Variants in RAB3IP observed in about 807,000 individuals in gnomAD.
RAB3IP encodes the protein RAB3A interacting protein.
Under a neutral mutation model 59.1 loss-of-function variants are expected in RAB3IP, and 36 were observed. That is an observed-to-expected ratio of 0.61 (90% CI 0.47 to 0.80). The LOEUF (loss-of-function observed/expected upper bound fraction) is 0.80, where lower values mean the gene tolerates loss of function less well. RAB3IP is among the 30% of genes least tolerant of loss of function. The pLI, the probability that RAB3IP is intolerant of heterozygous loss-of-function variation, is 0.00. For missense variants in RAB3IP, 511 were observed against 536.0 expected, an observed-to-expected ratio of 0.95 and a Z score of 0.46; for synonymous variants, 207 against 191.2, an observed-to-expected ratio of 1.08 and a Z score of -0.68.
At position 69,821,090 on chromosome 12, in the gene RAB3IP, C is replaced by T. The variant is rs186009517; in HGVS notation, c.*5644C>T. The T allele has an allele frequency of 6.6e-6, 1 of 152,250 alleles. No individual in the cohort carries two copies. Among genetic ancestry groups the T allele is most frequent in the African/African-American group, 2.4e-5 (1 of 41,520 alleles). 9.4% of individuals were successfully genotyped at this position (152,250 alleles called of 1,614,324 possible). A position where few individuals can be genotyped will look rare whatever the true frequency, so the allele number is the denominator to read the frequency against. ...CACACACAGTTTACTTTTGGAGGAA[C>T]GTCTGAGGTCATGAGGACTAGATTC... On this transcript the variant is annotated 3_prime_UTR_variant, in exon 11 of 11. Coordinates refer to ENST00000247833, the MANE Select transcript of RAB3IP (RefSeq NM_022456.5).
intron 8 of RAB3IP, among the ~76,000 whole-genome samples, chr12:69,810,537 G>T (rs895154226): frequency 2.6e-4 from 39 of 152,316 alleles, no homozygotes; most frequent in East Asian, 9.6e-4. Flanking sequence ...ATAAAAACTG[G>T]TTTAGGTTTT....
chr12:69,759,929 C>CA (rs1424748832), intron 3 of RAB3IP, among the ~76,000 whole-genome samples: 5 of 151,782 alleles, frequency 3.3e-5, no homozygotes, highest in African/African-American at 7.3e-5. Context: ...CCCCACATCT[C>CA]AGACGATGGG....
chr12:69,801,840 C>T (rs1056353009), intron 8 of RAB3IP, 119 bp downstream of exon 8: 46 of 636,308 alleles, frequency 7.2e-5, no homozygotes, highest in Middle Eastern at 2.6e-4. Context: ...TTCTCTTAAG[C>T]GTCTGTGTAG....
intron 1 of RAB3IP, among the ~76,000 whole-genome samples, chr12:69,754,710 A>G (rs1285291476): frequency 6.6e-6 from 1 of 152,216 alleles, no homozygotes; most frequent in Non-Finnish European, 1.5e-5. Context: ...CACAATGTGT[A>G]TGTGCCTTCA....
chr12:69,739,986 AC>A, intron 1 of RAB3IP: 1 of 903,890 alleles, frequency 1.1e-6, no homozygotes, highest in Non-Finnish European at 1.8e-6. Context: ...CTCCTGTTTC[AC>A]CCCAACTCCT....
In RAB3IP at chr12:69,739,804, A is replaced by G. The variant is rs572701260; in HGVS notation, c.-26+773A>G. ...GAGCTTACTGGCTCCAGAAGTGATGATGCTGGGTGGAAGTCGCAGCATGTG... is the reference window on the plus strand; with the variant it reads ...GAGCTTACTGGCTCCAGAAGTGATGGTGCTGGGTGGAAGTCGCAGCATGTG... On this transcript the variant is annotated intron_variant, in intron 1 of 10. Coordinates refer to ENST00000247833, the MANE Select transcript of RAB3IP (RefSeq NM_022456.5). The G allele has an allele frequency of 2.5e-5, 41 of 1,613,464 alleles. 1 individual carries two copies. The South Asian group carries it at 3.8e-4, about 15-fold the overall frequency.
chr12:69,739,697 A>T (rs895792830), intron 1 of RAB3IP: 2 of 729,862 alleles, frequency 2.7e-6, no homozygotes, highest in Admixed American at 2.4e-5. Context: ...TGTTCGGGGG[A>T]GTTGAGACGA....
At chr12:69,761,650 T>C (rs2136146199) in intron 3 of RAB3IP, among the ~76,000 whole-genome samples, 1 of 152,344 alleles carries the variant, frequency 6.6e-6, no homozygotes, top group East Asian at 1.9e-4. Flanking sequence ...TTTGTGCTCA[T>C]GATTATATCT....
chr12:69,814,642 A>G (rs1296526354), intron 10 of RAB3IP, among the ~76,000 whole-genome samples: 1 of 151,700 alleles, frequency 6.6e-6, no homozygotes, highest in Non-Finnish European at 1.5e-5. Flanking sequence ...TGCCAAACGT[A>G]CCCTGGAGTG....
chr12:69,760,699 T>G (rs144258303), intron 3 of RAB3IP, among the ~76,000 whole-genome samples: 1 of 152,342 alleles, frequency 6.6e-6, no homozygotes, highest in East Asian at 1.9e-4. Flanking sequence ...TAATTTTTTT[T>G]TTTTTGTTAC....
intron 4 of RAB3IP, among the ~76,000 whole-genome samples, chr12:69,792,537 T>TA (rs1311416556): frequency 1.3e-5 from 2 of 152,168 alleles, no homozygotes; most frequent in Non-Finnish European, 2.9e-5. Context: ...AGGTGATACT[T>TA]ACATCATTTT....
In RAB3IP at chr12:69,805,969, A is replaced by G. The variant is rs1489252848; in HGVS notation, c.1130+4248A>G. ...TGGTCTAAAATTCTCTTTTTTTGTT[A>G]TGTCTCTGCCCGGCTTTGGTATCAG... On this transcript the variant is annotated intron_variant, in intron 8 of 10. Coordinates refer to ENST00000247833, the MANE Select transcript of RAB3IP (RefSeq NM_022456.5). 6.6e-3 allele frequency among the ~76,000 whole-genome samples: 1,005 copies of G among 151,842 alleles called. 7 individuals are homozygous for G. Among genetic ancestry groups the G allele is most frequent in the African/African-American group, 0.022 (925 of 41,356 alleles).
chr12:69,783,696 A>ATG (rs1237894897), intron 3 of RAB3IP, among the ~76,000 whole-genome samples: 3 of 152,200 alleles, frequency 2.0e-5, no homozygotes, highest in Non-Finnish European at 4.4e-5. Flanking sequence ...CTCCAAAGAT[A>ATG]GAGTCCTGTG....
chr12:69,739,289 CCCCCTGGGCTGCTGGTGGGCGTCGGGCGG>C (rs1454937226), intron 1 of RAB3IP: 1 of 152,398 alleles, frequency 6.6e-6, no homozygotes, highest in Non-Finnish European at 1.5e-5. Context: ...CAGCCGGCCG[CCCCCTGGGCTGCTGGTGGGCGTCGGGCGG>C]CGGCTCCTCC....
intron 8 of RAB3IP, among the ~76,000 whole-genome samples, chr12:69,810,474 A>C (rs59595920): frequency 0.01 from 1,559 of 152,280 alleles, 23 homozygotes; most frequent in African/African-American, 0.035. Context: ...TCACGCTGGG[A>C]GCTGTAGACT....
chr12:69,803,568 A>T (rs2136254058), intron 8 of RAB3IP, among the ~76,000 whole-genome samples: 1 of 152,150 alleles, frequency 6.6e-6, no homozygotes, highest in East Asian at 1.9e-4. Flanking sequence ...ACATATGTAT[A>T]CATGGGCCAT....
rs145563134 is a variant in RAB3IP at position 69,807,160 on chromosome 12, G to A, written c.1130+5439G>A. Reference sequence around the variant, plus strand: ...CAGAGGTGCTCCTCACTTCCCAGACGGGGTGGCCGGGCAGAGGAGCTCCTC... The same window carrying A: ...CAGAGGTGCTCCTCACTTCCCAGACAGGGTGGCCGGGCAGAGGAGCTCCTC... On this transcript the variant is annotated intron_variant, in intron 8 of 10. Coordinates refer to ENST00000247833, the MANE Select transcript of RAB3IP (RefSeq NM_022456.5). Among the ~76,000 whole-genome samples, 662 of 144,884 alleles carry A rather than the reference G, an allele frequency of 4.6e-3. 5 individuals carry two copies. The highest frequency in any genetic ancestry group is 0.016 in the African/African-American group (637 of 39,046).
intron 1 of RAB3IP, among the ~76,000 whole-genome samples, chr12:69,744,189 T>C (rs867280770): frequency 2.0e-5 from 3 of 152,080 alleles, no homozygotes; most frequent in South Asian, 2.1e-4. Context: ...CCTGTGTCCG[T>C]GTGTTCTCAT....
intron 3 of RAB3IP, among the ~76,000 whole-genome samples, chr12:69,765,643 C>T (rs565426917): frequency 1.3e-5 from 2 of 152,284 alleles, no homozygotes; most frequent in Non-Finnish European, 2.9e-5. Context: ...AGAGAGGACC[C>T]GCCTATATCA....
Sources: allele counts gnomAD v4.1 joint callset (sites outside exome capture counted in the v4.1 genomes callset), GRCh38; gene constraint gnomAD v4.1.1; transcripts MANE v1.5; gene names NCBI Gene and HGNC (gene_info 2026-07-23, HGNC 2026-07-21).